The following LRRFIP1 variants were observed in gnomAD, a reference collection of about 807,000 sequenced individuals.
LRRFIP1 encodes LRR binding FLII interacting protein 1.
In LRRFIP1, 62 loss-of-function variants were observed where a neutral mutation model predicts 104.4. The observed-to-expected ratio is 0.59, with a 90% CI of 0.48 to 0.73. The LOEUF is 0.73. LRRFIP1 is among the 30% of genes least tolerant of loss of function. The pLI is 0.00. For missense variants in LRRFIP1, 796 were observed against 824.5 expected, an observed-to-expected ratio of 0.97 and a Z score of 0.42; for synonymous variants, 300 against 299.0, an observed-to-expected ratio of 1.00 and a Z score of -0.03.
Position 237,780,755 on chromosome 2 carries a change from T to C in LRRFIP1, c.*1223T>C, listed in dbSNP as rs2061415173. ...AATCAAGAAAACACTCCCAGCATAA[T>C]GCTAGGGGTCACCAGTGTCCATCCC... On this transcript the variant is annotated 3_prime_UTR_variant, in exon 24 of 24. Coordinates refer to ENST00000308482, the MANE Select transcript of LRRFIP1 (RefSeq NM_001137550.2). Among the ~76,000 whole-genome samples, 1 of 152,172 alleles carries C rather than the reference T, an allele frequency of 6.6e-6. No homozygotes were observed. The highest frequency in any genetic ancestry group is 2.4e-5 in the African/African-American group (1 of 41,438).
In LRRFIP1 at chr2:237,682,056, G is replaced by A. The variant is rs545101096; in HGVS notation, c.97-26488G>A. On this transcript the variant is annotated intron_variant, in intron 1 of 23. Coordinates refer to ENST00000308482, the MANE Select transcript of LRRFIP1 (RefSeq NM_001137550.2). ...CTCGAAGACGGACAGCTGCCTGAAA[G>A]ACGGCAGAAGCTCCCTGAGTGTGCC... Among the ~76,000 whole-genome samples the A allele has an allele frequency of 3.9e-5, 6 of 152,284 alleles. No individual in the cohort carries two copies. In the South Asian group the frequency reaches 1.2e-3, roughly 32 times the overall value.
In LRRFIP1 at chr2:237,703,905, C is replaced by T. The variant is rs941319325; in HGVS notation, c.97-4639C>T. Among the ~76,000 whole-genome samples, 1 of 152,152 alleles carries T rather than the reference C, an allele frequency of 6.6e-6. No individual in the cohort carries two copies. Among genetic ancestry groups the T allele is most frequent in the African/African-American group, 2.4e-5 (1 of 41,450 alleles). On this transcript the variant is annotated intron_variant, in intron 1 of 23. Transcript: ENST00000308482. The surrounding 1 kb of genome is among the most constrained non-coding windows in gnomAD (Gnocchi z 4.3). ...GAAAGTGACAGGCCGTGTTCAGAAG[C>T]TCTTCAAGCAGTCTGACGTGGCTGT...
chr2:237,779,714 G>T lies in LRRFIP1; in HGVS notation c.*182G>T, dbSNP rs1488762370. The T allele has an allele frequency of 1.9e-6, 1 of 528,208 alleles. No homozygotes were observed. The highest frequency in any genetic ancestry group is 3.4e-6 in the Non-Finnish European group (1 of 296,836). The allele number at this position is 528,208 out of a possible 1,614,324, so 32.7% of individuals were successfully genotyped here. ...CCCAGGGAGCCCCAGCAGCCACCAGGTGCCTCTGTCTGCAGACCCCTGGCC... is the reference window on the plus strand; with the variant it reads ...CCCAGGGAGCCCCAGCAGCCACCAGTTGCCTCTGTCTGCAGACCCCTGGCC... On this transcript the variant is annotated 3_prime_UTR_variant, in exon 24 of 24. Transcript: ENST00000308482.
intron 1 of LRRFIP1, among the ~76,000 whole-genome samples, chr2:237,683,652 G>T (rs890799485): frequency 4.6e-5 from 7 of 152,194 alleles, no homozygotes; most frequent in African/African-American, 1.2e-4. Context: ...TAGAGTGTGG[G>T]TCTATGTTTT....
chr2:237,693,248 G>A (rs966410094), intron 1 of LRRFIP1, among the ~76,000 whole-genome samples: 7 of 152,248 alleles, frequency 4.6e-5, no homozygotes, highest in African/African-American at 1.7e-4. Flanking sequence ...TAAAACCCTA[G>A]CTTTCCACTT....
intron 1 of LRRFIP1, among the ~76,000 whole-genome samples, chr2:237,673,996 T>G (rs2090759710): frequency 6.6e-6 from 1 of 152,142 alleles, no homozygotes; most frequent in African/African-American, 2.4e-5. Flanking sequence ...ACTATTATTG[T>G]CTCTCCTTTA....
At chr2:237,708,814 A>G (rs1303845413) in intron 2 of LRRFIP1, 184 bp downstream of exon 2, 1 of 734,666 alleles carries the variant, frequency 1.4e-6, no homozygotes, top group Non-Finnish European at 2.5e-6. Context: ...CACGGATACC[A>G]GGCGTGCCTG....
chr2:237,771,977 C>A, intron 20 of LRRFIP1, 104 bp from the exon 21 acceptor site: 1 of 724,410 alleles, frequency 1.4e-6, no homozygotes, highest in Non-Finnish European at 2.4e-6. Context: ...AAAGTGCCTT[C>A]TGTCATTTGA....
intron 3 of LRRFIP1, among the ~76,000 whole-genome samples, chr2:237,716,874 G>T (rs2094352013): frequency 6.6e-6 from 1 of 152,124 alleles, no homozygotes; most frequent in Admixed American, 6.5e-5. Context: ...ATTTTAACTT[G>T]GACCACTGAA....
At chr2:237,648,949 T>C (rs2085430933) in intron 1 of LRRFIP1, among the ~76,000 whole-genome samples, 1 of 151,984 alleles carries the variant, frequency 6.6e-6, no homozygotes, top group African/African-American at 2.4e-5. Flanking sequence ...GATATTGCAA[T>C]GCATGTGTCA....
intron 7 of LRRFIP1, among the ~76,000 whole-genome samples, chr2:237,723,953 C>T (rs372200703): frequency 6.6e-6 from 1 of 152,260 alleles, no homozygotes. Context: ...AAGGCCTCTA[C>T]ATTTGCTTTA....
Position 237,758,720 on chromosome 2 carries a change from C to T in LRRFIP1, c.1225-9C>T. The T allele has an allele frequency of 6.3e-7, 1 of 1,597,632 alleles. No individual in the cohort carries two copies. Among genetic ancestry groups the T allele is most frequent in the East Asian group, 2.2e-5 (1 of 44,782 alleles). ...CTTCTTCTTTCTCTTGGCTCTGCTGCACACTCAGGCATTAGAGAGGCAGAA... is the reference window on the plus strand; with the variant it reads ...CTTCTTCTTTCTCTTGGCTCTGCTGTACACTCAGGCATTAGAGAGGCAGAA... On this transcript the variant is annotated splice_polypyrimidine_tract_variant and intron_variant, in intron 17 of 23. Transcript: ENST00000308482.
intron 1 of LRRFIP1, among the ~76,000 whole-genome samples, chr2:237,655,752 C>T (rs1221862783): frequency 6.6e-6 from 1 of 152,246 alleles, no homozygotes; most frequent in Non-Finnish European, 1.5e-5. Context: ...AACAACACGA[C>T]AGGCCAGTGT....
At chr2:237,700,406 G>A (rs1158369404) in intron 1 of LRRFIP1, among the ~76,000 whole-genome samples, 1 of 152,168 alleles carries the variant, frequency 6.6e-6, no homozygotes, top group Non-Finnish European at 1.5e-5. Context: ...ACATTCACGT[G>A]AGTGAACTTG....
At chr2:237,701,793 G>A (rs1438235626) in intron 1 of LRRFIP1, among the ~76,000 whole-genome samples, 2 of 152,214 alleles carry the variant, frequency 1.3e-5, no homozygotes, top group Non-Finnish European at 2.9e-5. Context: ...GCATGCCGTG[G>A]GGTCCCTTTG....
intron 18 of LRRFIP1, among the ~76,000 whole-genome samples, chr2:237,759,371 C>G (rs1006226752): frequency 1.1e-4 from 16 of 152,156 alleles, no homozygotes; most frequent in African/African-American, 3.9e-4. Context: ...GAACCGTCAC[C>G]ATCTGCTGCT....
In LRRFIP1 at chr2:237,632,171, C is replaced by A. The variant is rs560168308; in HGVS notation, c.96+4431C>A. The stretch of plus-strand genomic sequence containing the variant: ...CAGTTGTGGAGAAGGGGTCACACTG[C>A]CCCCAAGGAGTCCAGTTGTGGAGAA... On this transcript the variant is annotated intron_variant, in intron 1 of 23. Transcript: ENST00000308482. Among the ~76,000 whole-genome samples the A allele has an allele frequency of 1.5e-3, 222 of 150,532 alleles. 1 individual carries two copies. The highest frequency in any genetic ancestry group is 5.2e-3 in the African/African-American group (212 of 41,114).
intron 15 of LRRFIP1, among the ~76,000 whole-genome samples, chr2:237,754,761 G>A (rs1241338528): frequency 6.6e-6 from 1 of 152,248 alleles, no homozygotes; most frequent in African/African-American, 2.4e-5. Flanking sequence ...CTGATGTCAT[G>A]TGGGAACGGA....
intron 19 of LRRFIP1, chr2:237,764,872 A>C: frequency 1.0e-6 from 1 of 985,642 alleles, no homozygotes; most frequent in Non-Finnish European, 1.2e-6. Flanking sequence ...TGATGTATCA[A>C]ATTCATTTTA....
Sources: allele counts gnomAD v4.1 joint callset (sites outside exome capture counted in the v4.1 genomes callset), GRCh38; gene constraint gnomAD v4.1.1; non-coding constraint Gnocchi (gnomAD v3.1); transcripts MANE v1.5; gene names NCBI Gene and HGNC (gene_info 2026-07-23, HGNC 2026-07-21).